Variants in CDC42BPA observed in about 807,000 individuals in gnomAD.
CDC42BPA encodes serine/threonine-protein kinase MRCK alpha.
A neutral mutation model predicts 223.5 loss-of-function variants in CDC42BPA; 80 were observed. The ratio of observed to expected loss-of-function variants is 0.36; its 90% confidence interval spans 0.30 to 0.43. The LOEUF is 0.43. Ranked by LOEUF, CDC42BPA falls within the 20% of genes least tolerant of loss-of-function variation. The probability of loss-of-function intolerance (pLI) is 1.00; values close to 1 mark genes in which losing one functional copy is unlikely to be tolerated. For synonymous variants in CDC42BPA, 694 were observed against 718.6 expected, an observed-to-expected ratio of 0.97 and a Z score of 0.55; for missense variants, 1,743 against 2,099.9, an observed-to-expected ratio of 0.83 and a Z score of 3.32.
intron 21 of CDC42BPA, among the ~76,000 whole-genome samples, chr1:227,053,621 A>T (rs1165780962): frequency 1.3e-5 from 2 of 152,276 alleles, no homozygotes; most frequent in African/African-American, 4.8e-5. Flanking sequence ...ATTCAGCACT[A>T]TTTTTGTCCT....
intron 1 of CDC42BPA, among the ~76,000 whole-genome samples, chr1:227,314,094 T>C (rs1440797955): frequency 6.6e-6 from 1 of 152,128 alleles, no homozygotes; most frequent in African/African-American, 2.4e-5. Flanking sequence ...TAACGAATGA[T>C]ATACTAATTC....
intron 1 of CDC42BPA, among the ~76,000 whole-genome samples, chr1:227,316,687 G>A (rs1694457250): frequency 6.6e-6 from 1 of 152,062 alleles, no homozygotes; most frequent in Admixed American, 6.6e-5. Context: ...CATGTATTAG[G>A]CAACTGTAAC....
Position 227,100,973 on chromosome 1 carries a change from T to G in CDC42BPA, c.2249+19A>C. 7.2e-7 allele frequency: 1 copy of G among 1,386,958 alleles called. No homozygotes were observed. Among genetic ancestry groups the G allele is most frequent in the Non-Finnish European group, 1.0e-6 (1 of 988,170 alleles). The allele number at this position is 1,386,958 out of a possible 1,614,324, so 85.9% of individuals were successfully genotyped here. Reference sequence around the variant, plus strand: ...TACTCAGTAAGTATTTACTGTATAGTAAATAATGTGATTCTTACCTTTCTC... The same window carrying G: ...TACTCAGTAAGTATTTACTGTATAGGAAATAATGTGATTCTTACCTTTCTC... On this transcript the variant is annotated intron_variant, in intron 15 of 36. Coordinates refer to ENST00000366766, the MANE Select transcript of CDC42BPA (RefSeq NM_001394014.1).
rs55674142 is a variant in CDC42BPA, at chr1:227,311,725, T to TA, written c.178+5279dup. 4.8e-3 allele frequency among the ~76,000 whole-genome samples: 696 copies of TA among 145,756 alleles called. 22 individuals are homozygous for TA. The East Asian group carries it at 0.077, about 16-fold the overall frequency. ...CTTTTAAATTAAAAATACCCAATCA[T>TA]AAAAAAAAAAAATACCCTATCATTC... On this transcript the variant is annotated intron_variant, in intron 1 of 36. Transcript: ENST00000366766.
At chr1:227,144,676 C>G (rs1037658310) in intron 8 of CDC42BPA, among the ~76,000 whole-genome samples, 2 of 148,062 alleles carry the variant, frequency 1.4e-5, no homozygotes, top group Non-Finnish European at 3.0e-5. Context: ...TCTCATATAA[C>G]CTAAAGGGTT....
intron 35 of CDC42BPA, 96 bp downstream of exon 35, chr1:227,004,898 C>T: frequency 1.2e-6 from 1 of 851,118 alleles, no homozygotes; most frequent in South Asian, 1.3e-5. Flanking sequence ...GCAATGGGCA[C>T]ACGTAAGTGA....
In CDC42BPA at chr1:227,030,613, T is replaced by C. The variant is rs1669106740; in HGVS notation, c.3776-143A>G. On this transcript the variant is annotated intron_variant, in intron 28 of 36. Coordinates refer to ENST00000366766, the MANE Select transcript of CDC42BPA (RefSeq NM_001394014.1). ...GTTTACACTATTTCCTTTCAGATTATACTGGTAAATCTCTCATGTCTTCTA... is the reference window on the plus strand; with the variant it reads ...GTTTACACTATTTCCTTTCAGATTACACTGGTAAATCTCTCATGTCTTCTA... The C allele has an allele frequency of 5.6e-6, 3 of 537,994 alleles. No homozygotes were observed. The African/African-American group carries it at 6.0e-5, about 11-fold the overall frequency. The allele number at this position is 537,994 out of a possible 1,614,324, so 33.3% of individuals were successfully genotyped here. A position where few individuals can be genotyped will look rare whatever the true frequency, so the allele number is the denominator to read the frequency against.
chr1:227,037,319 A>T (rs1308529390), intron 24 of CDC42BPA, among the ~76,000 whole-genome samples: 7 of 152,118 alleles, frequency 4.6e-5, no homozygotes, highest in Non-Finnish European at 1.0e-4. Flanking sequence ...TATGTAAGAG[A>T]CTCATGTACT....
intron 2 of CDC42BPA, among the ~76,000 whole-genome samples, chr1:227,233,830 G>A (rs1678487485): frequency 6.6e-6 from 1 of 152,088 alleles, no homozygotes; most frequent in Non-Finnish European, 1.5e-5. Context: ...CTACTCAGGA[G>A]GCTGAGGCAG....
intron 21 of CDC42BPA, among the ~76,000 whole-genome samples, chr1:227,064,346 C>T (rs933732077): frequency 1.3e-5 from 2 of 152,194 alleles, no homozygotes; most frequent in East Asian, 1.9e-4. Context: ...TATGACAATA[C>T]GTTTCTCAAA....
intron 1 of CDC42BPA, among the ~76,000 whole-genome samples, chr1:227,263,493 A>G (rs1684450605): frequency 6.6e-6 from 1 of 152,168 alleles, no homozygotes; most frequent in African/African-American, 2.4e-5. Flanking sequence ...TCCACTGACT[A>G]CAAGTCATTG....
At chr1:227,310,128 A>G (rs1245537325) in intron 1 of CDC42BPA, among the ~76,000 whole-genome samples, 1 of 152,218 alleles carries the variant, frequency 6.6e-6, no homozygotes, top group African/African-American at 2.4e-5. Flanking sequence ...CCCAAAGCGT[A>G]TTCTGTGAAA....
rs1366988929 is a variant in CDC42BPA, at chr1:227,119,806, T to C, written c.1645A>G (p.Lys549Glu). The C allele has an allele frequency of 6.4e-7, 1 of 1,562,794 alleles. No homozygotes were observed. Among genetic ancestry groups the C allele is most frequent in the Non-Finnish European group, 8.7e-7 (1 of 1,149,830 alleles). The change falls in exon 12 of 37, where the codon AAG (lysine) becomes GAG (glutamate). Residue 549 changes from lysine (K) to glutamate (E), a missense_variant and splice_region_variant. Physicochemically the swap from Lys to Glu is moderately conservative, Grantham distance 56. Around this residue, in one of 6 missense-constraint regions of CDC42BPA, gnomAD observed 464 missense variants for 488.0 expected, o/e 0.95. Coordinates refer to ENST00000366766, the MANE Select transcript of CDC42BPA (RefSeq NM_001394014.1). ...AATGATCTAGTCACATATTTTACCT[T>C]ATTTAGATCTTCTCTTTCTTGTTGT... is the stretch of plus-strand genomic sequence containing the variant. ...TLQQEREDLN[K>E]ELVQASERLK...
chr1:227,197,781 GAA>G (rs1489931886), intron 4 of CDC42BPA, among the ~76,000 whole-genome samples: 8 of 152,008 alleles, frequency 5.3e-5, no homozygotes, highest in African/African-American at 1.9e-4. Flanking sequence ...AAAACATTTT[GAA>G]AATTATCATG....
At chr1:227,008,298 CTGTG>C (rs1558268688) in intron 34 of CDC42BPA, among the ~76,000 whole-genome samples, 1 of 151,972 alleles carries the variant, frequency 6.6e-6, no homozygotes, top group Non-Finnish European at 1.5e-5. Flanking sequence ...AGTTACAGGC[CTGTG>C]TGTGTTTTAA....
At chr1:227,032,849 A>T (rs1669542712) in intron 27 of CDC42BPA, among the ~76,000 whole-genome samples, 1 of 152,252 alleles carries the variant, frequency 6.6e-6, no homozygotes, top group African/African-American at 2.4e-5. Context: ...AGCTGAATGC[A>T]GTCACATCAG....
rs1323637986 is a variant in CDC42BPA, at chr1:227,031,178, AT to A, written c.3775+119del. 3 of 724,876 alleles carry A rather than the reference AT, an allele frequency of 4.1e-6. No individual in the cohort carries two copies. The African/African-American group carries it at 5.4e-5, about 13-fold the overall frequency. The allele number at this position is 724,876 out of a possible 1,614,324, so 44.9% of individuals were successfully genotyped here. ...TTCATTCAGTAAACATGTACTGAGC[AT>A]TTATGATATGATGCACAGTATGTTG... On this transcript the variant is annotated intron_variant, in intron 28 of 36. Coordinates refer to ENST00000366766, the MANE Select transcript of CDC42BPA (RefSeq NM_001394014.1).
chr1:226,994,833 A>G lies in CDC42BPA; in HGVS notation c.5123T>C (p.Phe1708Ser). 2 of 1,611,416 alleles carry G rather than the reference A, an allele frequency of 1.2e-6. No individual in the cohort carries two copies. The highest frequency in any genetic ancestry group is 1.7e-6 in the Non-Finnish European group (2 of 1,178,536). The part of the protein sequence containing the change: ...DQGSDAPARD[F>S]DGEDSDSPRH... Reference sequence around the variant, plus strand: ...ACCCTGCCCACTCACCTCTCCGTCAAAGTCCCTCGCTGGGGCATCACTTCC... The same window carrying G: ...ACCCTGCCCACTCACCTCTCCGTCAGAGTCCCTCGCTGGGGCATCACTTCC... The change falls in exon 36 of 37, where the codon TTT becomes TCT. Residue 1708 changes from phenylalanine to serine, a missense_variant. This residue lies in a region of CDC42BPA where 200 missense variants were observed against 192.8 expected (regional missense o/e 1.04). Transcript: ENST00000366766. The surrounding 1 kb of genome is among the most constrained non-coding windows in gnomAD (Gnocchi z 4.0).
intron 2 of CDC42BPA, among the ~76,000 whole-genome samples, chr1:227,213,691 T>C (rs1674336375): frequency 6.6e-6 from 1 of 152,046 alleles, no homozygotes; most frequent in Non-Finnish European, 1.5e-5. Context: ...CAATATGAAA[T>C]AAACTGAAAA....
Sources: gnomAD v4.1 joint callset for allele counts (sites outside exome capture counted in the v4.1 genomes callset) on GRCh38, gnomAD v4.1.1 for gene constraint, gnomAD v4.1.1 regional missense constraint, Gnocchi (gnomAD v3.1) non-coding constraint, MANE v1.5 for transcripts, NCBI Gene and HGNC (gene_info 2026-07-23, HGNC 2026-07-21) for gene names.